The following B3GALT5 variants were observed in gnomAD, a reference collection of about 807,000 sequenced individuals.
The protein encoded by B3GALT5 is UDP-Gal:betaGlcNAc beta 1,3-galactosyltransferase, polypeptide 5.
For synonymous variants in B3GALT5, 156 were observed against 158.6 expected (o/e 0.98, Z 0.12); for missense variants, 328 against 396.6 (o/e 0.83, Z 1.47).
At chr21:39,657,566 A>G (rs2079458067) in intron 2 of B3GALT5, 1 of 223,840 alleles carries the variant, frequency 4.5e-6, no homozygotes, top group Non-Finnish European at 8.7e-6. Context: ...CACTCCTGGC[A>G]TCCCAGCGTC....
At chr21:39,646,207 AGGAGTTG>A (rs2079338133) in intron 1 of B3GALT5, among the ~76,000 whole-genome samples, 178 bp from the exon 2 acceptor site, 1 of 152,020 alleles carries the variant, frequency 6.6e-6, no homozygotes, top group African/African-American at 2.4e-5. Context: ...AACACTCCTG[AGGAGTTG>A]CCTTTGGCTG....
intron 1 of B3GALT5, among the ~76,000 whole-genome samples, chr21:39,635,644 A>G (rs2079222094): frequency 6.6e-6 from 1 of 151,968 alleles, no homozygotes; most frequent in Admixed American, 6.6e-5. Flanking sequence ...ACACCCAGCT[A>G]ATTTTGTATT....
intron 1 of B3GALT5, among the ~76,000 whole-genome samples, chr21:39,628,201 A>G (rs2079174014): frequency 6.6e-6 from 1 of 152,226 alleles, no homozygotes; most frequent in Non-Finnish European, 1.5e-5. Flanking sequence ...AATTAGGGGA[A>G]ATGATGAACC....
In B3GALT5 at chr21:39,671,585, T is replaced by G. The variant is rs950675384; in HGVS notation, c.*10093T>G. 3.3e-5 allele frequency: 5 copies of G among 152,236 alleles called. No homozygotes were observed. Among genetic ancestry groups the G allele is most frequent in the African/African-American group, 1.2e-4 (5 of 41,458 alleles). 9.4% of individuals were successfully genotyped at this position (152,236 alleles called of 1,614,324 possible). A position where few individuals can be genotyped will look rare whatever the true frequency, so the allele number is the denominator to read the frequency against. On this transcript the variant is annotated 3_prime_UTR_variant, in exon 4 of 4. Coordinates refer to ENST00000684187, the MANE Select transcript of B3GALT5 (RefSeq NM_001356336.2). ...ACATCAGTTCCTGAAGCCTCTTTTATTCATTATTGTTGGGACTTGTTTTTA... is the reference window on the plus strand; with the variant it reads ...ACATCAGTTCCTGAAGCCTCTTTTAGTCATTATTGTTGGGACTTGTTTTTA...
In B3GALT5 at chr21:39,660,554, T is replaced by C; in HGVS notation, c.1-6T>C. The C allele has an allele frequency of 2.1e-6, 3 of 1,419,842 alleles. No individual in the cohort carries two copies. Among genetic ancestry groups the C allele is most frequent in the Non-Finnish European group, 2.8e-6 (3 of 1,083,726 alleles). 88.0% of individuals were successfully genotyped at this position (1,419,842 alleles called of 1,614,324 possible). A position where few individuals can be genotyped will look rare whatever the true frequency, so the allele number is the denominator to read the frequency against. ...AGGTCTAATCATTGGATTTTGTTCC[T>C]TTCAGATGGCTTTCCCGAAGATGAG... On this transcript the variant is annotated splice_polypyrimidine_tract_variant and splice_region_variant and intron_variant, in intron 3 of 3. Coordinates refer to ENST00000684187, the MANE Select transcript of B3GALT5 (RefSeq NM_001356336.2).
chr21:39,639,288 C>CTCTTTCTTTCTTTCTTTCTCTCTT (rs2079254776), intron 1 of B3GALT5, among the ~76,000 whole-genome samples: 1 of 98,524 alleles, frequency 1.0e-5, no homozygotes, highest in African/African-American at 3.6e-5. Flanking sequence ...AGGCATCTGG[C>CTCTTTCTTTCTTTCTTTCTCTCTT]TCTTTCTTTC....
In B3GALT5 at chr21:39,661,749, A is replaced by G. The variant is rs1650546121; in HGVS notation, c.*257A>G. ...GGATTTTTGCATTTCAGGGGTCAGTATCCTATGACATGATGGGTGTTACCA... is the reference window on the plus strand; with the variant it reads ...GGATTTTTGCATTTCAGGGGTCAGTGTCCTATGACATGATGGGTGTTACCA... On this transcript the variant is annotated 3_prime_UTR_variant, in exon 4 of 4. Transcript: ENST00000684187. The surrounding 1 kb of genome is among the most constrained non-coding windows in gnomAD (Gnocchi z 4.7). 1 of 361,692 alleles carries G rather than the reference A, an allele frequency of 2.8e-6. No individual in the cohort carries two copies. Among genetic ancestry groups the G allele is most frequent in the Non-Finnish European group, 5.2e-6 (1 of 191,758 alleles). The allele number at this position is 361,692 out of a possible 1,614,324, so 22.4% of individuals were successfully genotyped here. A position where few individuals can be genotyped will look rare whatever the true frequency, so the allele number is the denominator to read the frequency against.
intron 1 of B3GALT5, among the ~76,000 whole-genome samples, chr21:39,645,839 G>A (rs573157259): frequency 9.5e-4 from 145 of 152,122 alleles, no homozygotes; most frequent in African/African-American, 3.4e-3. Context: ...AAACTGTCCC[G>A]ACCCGGGGCA....
intron 2 of B3GALT5, among the ~76,000 whole-genome samples, chr21:39,649,998 G>C (rs1040712289): frequency 2.0e-5 from 3 of 152,132 alleles, no homozygotes; most frequent in Non-Finnish European, 4.4e-5. Flanking sequence ...TCAGATCCCA[G>C]TTACTGCTTG....
chr21:39,647,933 T>C (rs1235262483), intron 2 of B3GALT5, among the ~76,000 whole-genome samples: 1 of 152,200 alleles, frequency 6.6e-6, no homozygotes, highest in African/African-American at 2.4e-5. Context: ...TTTTCGGAAT[T>C]TTCTAATGTG....
intron 1 of B3GALT5, among the ~76,000 whole-genome samples, chr21:39,631,964 G>A (rs963323758): frequency 2.6e-5 from 4 of 152,182 alleles, no homozygotes; most frequent in Admixed American, 2.0e-4. Flanking sequence ...GGTCTGACAC[G>A]AAAGGGTGTG....
intron 1 of B3GALT5, among the ~76,000 whole-genome samples, chr21:39,639,288 C>CTCTTTT (rs2079254688): frequency 2.0e-5 from 2 of 98,428 alleles, no homozygotes. Flanking sequence ...AGGCATCTGG[C>CTCTTTT]TCTTTCTTTC....
chr21:39,669,004 A>G lies in B3GALT5; in HGVS notation c.*7512A>G, dbSNP rs1393101068. Reference sequence around the variant, plus strand: ...TGGATTCTATGGTGGTGTATACAGCACTATCTATCAGTGTACCTGTCAGTG... The same window carrying G: ...TGGATTCTATGGTGGTGTATACAGCGCTATCTATCAGTGTACCTGTCAGTG... On this transcript the variant is annotated 3_prime_UTR_variant, in exon 4 of 4. Coordinates refer to ENST00000684187, the MANE Select transcript of B3GALT5 (RefSeq NM_001356336.2). 1 of 152,246 alleles carries G rather than the reference A, an allele frequency of 6.6e-6. No individual in the cohort carries two copies. The highest frequency in any genetic ancestry group is 2.4e-5 in the African/African-American group (1 of 41,466). The allele number at this position is 152,246 out of a possible 1,614,324, so 9.4% of individuals were successfully genotyped here.
chr21:39,655,041 G>A (rs1402268782), intron 2 of B3GALT5, among the ~76,000 whole-genome samples: 5 of 152,172 alleles, frequency 3.3e-5, no homozygotes, highest in African/African-American at 1.2e-4. Context: ...TTTATCATGA[G>A]GAAATGCTCA....
chr21:39,629,006 C>G (rs1056264942), intron 1 of B3GALT5, among the ~76,000 whole-genome samples: 1 of 152,092 alleles, frequency 6.6e-6, no homozygotes, highest in Non-Finnish European at 1.5e-5. Context: ...CTCTTAACAT[C>G]CTCTTAACAT....
At chr21:39,646,339 TG>T (rs1236674044) in intron 1 of B3GALT5, 52 bp from the exon 2 acceptor site, 1 of 152,256 alleles carries the variant, frequency 6.6e-6, no homozygotes, top group Non-Finnish European at 1.5e-5. Context: ...TGAAGTCTTT[TG>T]CAGTGTACGT....
chr21:39,635,881 G>A (rs2079223910), intron 1 of B3GALT5, among the ~76,000 whole-genome samples: 1 of 152,156 alleles, frequency 6.6e-6, no homozygotes, highest in East Asian at 1.9e-4. Flanking sequence ...CTGTGCATGT[G>A]CTCTTAGTTT....
intron 1 of B3GALT5, among the ~76,000 whole-genome samples, chr21:39,644,490 G>A (rs1358544223): frequency 1.3e-5 from 2 of 152,092 alleles, no homozygotes; most frequent in Non-Finnish European, 2.9e-5. Flanking sequence ...AGTGAGTCTG[G>A]GGTCCCAAGA....
chr21:39,660,501 T>A, intron 3 of B3GALT5, 59 bp from the exon 4 acceptor site: 3 of 1,340,930 alleles, frequency 2.2e-6, no homozygotes, highest in Non-Finnish European at 1.9e-6. Context: ...CCTCCTAGCA[T>A]AAAACTAGAC....
Sources: gnomAD v4.1 joint callset for allele counts (sites outside exome capture counted in the v4.1 genomes callset) on GRCh38, gnomAD v4.1.1 for gene constraint, Gnocchi (gnomAD v3.1) non-coding constraint, MANE v1.5 for transcripts, NCBI Gene and HGNC (gene_info 2026-07-23, HGNC 2026-07-21) for gene names.